Variants in POLR3E observed in about 807,000 individuals in gnomAD.
POLR3E encodes DNA-directed RNA polymerase III subunit RPC5.
In POLR3E, 41 loss-of-function variants were observed where a neutral mutation model predicts 96.6. That is an observed-to-expected ratio of 0.42 (90% CI 0.33 to 0.55). The LOEUF (loss-of-function observed/expected upper bound fraction) is 0.55. POLR3E is among the 20% of genes least tolerant of loss of function. The pLI, the probability that POLR3E is intolerant of heterozygous loss-of-function variation, is 0.06. For missense variants in POLR3E, 849 were observed against 952.1 expected (o/e 0.89, Z 1.43); for synonymous variants, 396 against 383.6 (o/e 1.03, Z -0.38).
Position 22,313,840 on chromosome 16 carries a change from AC to A in POLR3E, c.472+115del. On this transcript the variant is annotated intron_variant, in intron 7 of 20. Transcript: ENST00000299853. This position sits in a 1 kb window ranked among gnomAD's most constrained non-coding sequence, Gnocchi z 4.1. The stretch of plus-strand genomic sequence containing the variant: ...ATGTTTAGCAGGATCCCTGGCCTCT[AC>A]CTACTAGATGCCAGAAGCACCCACC... 3.9e-6 allele frequency: 3 copies of A among 761,806 alleles called. No homozygotes were observed. The highest frequency in any genetic ancestry group is 6.6e-6 in the Non-Finnish European group (3 of 454,746). The allele number at this position is 761,806 out of a possible 1,614,324, so 47.2% of individuals were successfully genotyped here.
chr16:22,318,980 A>T lies in POLR3E; in HGVS notation c.986+34A>T. The T allele has an allele frequency of 1.3e-6, 2 of 1,504,604 alleles. No individual in the cohort carries two copies. The highest frequency in any genetic ancestry group is 2.1e-4 in the Middle Eastern group (1 of 4,812). 93.2% of individuals were successfully genotyped at this position (1,504,604 alleles called of 1,614,324 possible). A position where few individuals can be genotyped will look rare whatever the true frequency, so the allele number is the denominator to read the frequency against. On this transcript the variant is annotated intron_variant, in intron 13 of 20. Coordinates refer to ENST00000299853, the MANE Select transcript of POLR3E (RefSeq NM_018119.4). The surrounding 1 kb of genome is among the most constrained non-coding windows in gnomAD (Gnocchi z 5.0). ...CTTTTTTTATTTTTTATTTTTATTT[A>T]TTTTTTTCCTTGAGGCAGAGCTTCA...
intron 6 of POLR3E, chr16:22,309,802 A>G: frequency 2.1e-6 from 1 of 476,178 alleles, no homozygotes; most frequent in Non-Finnish European, 3.8e-6. Flanking sequence ...TTAGGGACAG[A>G]ATTTTGTCTT....
intron 20 of POLR3E, among the ~76,000 whole-genome samples, chr16:22,333,321 A>G (rs1319980792): frequency 1.3e-5 from 2 of 151,532 alleles, no homozygotes; most frequent in Admixed American, 1.3e-4. Flanking sequence ...GCGTAGTGGT[A>G]CATGCCTGTA....
At chr16:22,331,981 A>G in intron 19 of POLR3E, 79 bp from the exon 20 acceptor site, 1 of 1,460,390 alleles carries the variant, frequency 6.8e-7, no homozygotes, top group Non-Finnish European at 9.4e-7. Flanking sequence ...AGTCAGGTGC[A>G]TGGCTTGGGT....
At chr16:22,331,990 G>GTGTC in intron 19 of POLR3E, 70 bp from the exon 20 acceptor site, 1 of 1,515,752 alleles carries the variant, frequency 6.6e-7, no homozygotes, top group Non-Finnish European at 9.1e-7. Context: ...CATGGCTTGG[G>GTGTC]TGTCTTGTTT....
rs754893522 is a variant in POLR3E at position 22,305,651 on chromosome 16, G to T, written c.87+445G>T. 2.0e-5 allele frequency among the ~76,000 whole-genome samples: 3 copies of T among 152,120 alleles called. No homozygotes were observed. The East Asian group carries it at 5.8e-4, about 29-fold the overall frequency. ...AGAGTTGGTGCCAGTGATGATGGCC[G>T]CTGTTGTCATGGAGGCTCCAAGGGG... On this transcript the variant is annotated intron_variant, in intron 3 of 20. Coordinates refer to ENST00000299853, the MANE Select transcript of POLR3E (RefSeq NM_018119.4).
intron 14 of POLR3E, 113 bp downstream of exon 14, chr16:22,323,044 G>A (rs1193216960): frequency 1.4e-6 from 1 of 691,164 alleles, no homozygotes; most frequent in Non-Finnish European, 2.5e-6. Flanking sequence ...AGGCGGGTGT[G>A]TGAGGAGGCC....
intron 18 of POLR3E, 75 bp from the exon 19 acceptor site, chr16:22,328,435 C>T (rs112693034): frequency 0.083 from 102,614 of 1,236,040 alleles, 5,424 homozygotes; most frequent in South Asian, 0.21. Context: ...CTGGGGCAGA[C>T]AGGGAGGGAT....
intron 12 of POLR3E, among the ~76,000 whole-genome samples, chr16:22,317,959 G>A (rs1211357809): frequency 6.6e-6 from 1 of 152,200 alleles, no homozygotes; most frequent in East Asian, 1.9e-4. Flanking sequence ...CAACAGACCT[G>A]ATCCTTGAGT....
chr16:22,331,873 T>C, intron 19 of POLR3E, 187 bp from the exon 20 acceptor site: 1 of 551,848 alleles, frequency 1.8e-6, no homozygotes. Context: ...TTTGTGTTTT[T>C]ATTTCTGTAC....
At chr16:22,298,892 TA>T in intron 1 of POLR3E, 2 of 438,648 alleles carry the variant, frequency 4.6e-6, no homozygotes, top group South Asian at 1.6e-5. Context: ...ATTTTTTTTT[TA>T]AAGTAATGCT....
chr16:22,309,945 A>G lies in POLR3E; in HGVS notation c.364+435A>G, dbSNP rs1217593070. ...TCTTCATGATAGCCAAAAAGTGGAAACAACCCAGATGCCCATCCGCTGGAT... is the reference window on the plus strand; with the variant it reads ...TCTTCATGATAGCCAAAAAGTGGAAGCAACCCAGATGCCCATCCGCTGGAT... On this transcript the variant is annotated intron_variant, in intron 6 of 20. Coordinates refer to ENST00000299853, the MANE Select transcript of POLR3E (RefSeq NM_018119.4). The G allele has an allele frequency of 7.0e-5, 12 of 170,958 alleles. 2 individuals are homozygous for G. The South Asian group carries it at 1.6e-3, about 23-fold the overall frequency. The allele number at this position is 170,958 out of a possible 1,614,324, so 10.6% of individuals were successfully genotyped here.
intron 3 of POLR3E, among the ~76,000 whole-genome samples, chr16:22,307,162 C>T (rs1462724890): frequency 6.6e-6 from 1 of 152,060 alleles, no homozygotes; most frequent in Non-Finnish European, 1.5e-5. Context: ...CTCAGGGAGG[C>T]GAGGTGCCTG....
intron 19 of POLR3E, among the ~76,000 whole-genome samples, chr16:22,330,583 G>A (rs2048716178): frequency 1.3e-5 from 2 of 152,080 alleles, no homozygotes; most frequent in Admixed American, 1.3e-4. Context: ...CTGGTTCCCG[G>A]GAAGCCTCTC....
At chr16:22,311,188 C>T (rs549742560) in intron 6 of POLR3E, among the ~76,000 whole-genome samples, 94 of 150,938 alleles carry the variant, frequency 6.2e-4, no homozygotes, top group Non-Finnish European at 1.1e-3. Context: ...AGGCTGGTCT[C>T]GAACTCCTGA....
intron 19 of POLR3E, chr16:22,328,809 GCC>G: frequency 1.9e-6 from 1 of 525,296 alleles, no homozygotes; most frequent in Non-Finnish European, 3.5e-6. Context: ...CAGTCTGTGA[GCC>G]AGCTCCATCA....
rs58061211 is a variant in POLR3E, at chr16:22,318,891, C to A, written c.931C>A (p.Leu311Met). Residue 311 changes from leucine (L) to methionine (M), a missense_variant, in exon 13 of 21, where the codon CTG becomes ATG. Transcript: ENST00000299853. This position sits in a 1 kb window ranked among gnomAD's most constrained non-coding sequence, Gnocchi z 5.0. ...LGPSIDSVAV[L>M]RGIQKVAMLV... is the part of the protein sequence containing the mutation. Reference sequence around the variant, plus strand: ...CCCCTCCATCGATTCCGTGGCTGTTCTGCGGGGCATCCAGAAGGTGGCGAT... The same window carrying A: ...CCCCTCCATCGATTCCGTGGCTGTTATGCGGGGCATCCAGAAGGTGGCGAT... 9.3e-6 allele frequency: 15 copies of A among 1,613,672 alleles called. No homozygotes were observed. The highest frequency in any genetic ancestry group is 1.2e-5 in the Non-Finnish European group (14 of 1,179,816).
chr16:22,324,668 C>A lies in POLR3E; in HGVS notation c.1286+8C>A. 1.2e-6 allele frequency: 2 copies of A among 1,613,754 alleles called. No homozygotes were observed. The highest frequency in any genetic ancestry group is 2.2e-5 in the South Asian group (2 of 91,086). ...GACGGGTATCCAGGCCAAGTAAGCA[C>A]CCTGGGCCAGGGAGGGGCAGCCCGG... On this transcript the variant is annotated splice_region_variant and intron_variant, in intron 16 of 20. Transcript: ENST00000299853.
chr16:22,307,838 G>A (rs1043746056), intron 3 of POLR3E, among the ~76,000 whole-genome samples: 3 of 152,130 alleles, frequency 2.0e-5, no homozygotes, highest in Non-Finnish European at 2.9e-5. Context: ...TCCCATGGCC[G>A]TGCTCTGTGG....
Sources: allele counts gnomAD v4.1 joint callset (sites outside exome capture counted in the v4.1 genomes callset), GRCh38; gene constraint gnomAD v4.1.1; non-coding constraint Gnocchi (gnomAD v3.1); transcripts MANE v1.5; gene names NCBI Gene and HGNC (gene_info 2026-07-23, HGNC 2026-07-21).